Variants in YAP1 observed in about 807,000 individuals in gnomAD.
YAP1 encodes transcriptional coactivator YAP1.
Under a neutral mutation model 56.9 loss-of-function variants are expected in YAP1, and 5 were observed. The observed-to-expected ratio is 0.09, with a 90% CI of 0.05 to 0.18. YAP1 has a LOEUF of 0.18. YAP1 is among the 10% of genes least tolerant of loss of function. The pLI, the probability that YAP1 is intolerant of heterozygous loss-of-function variation, is 1.00. For synonymous variants in YAP1, 265 were observed against 248.1 expected (o/e 1.07, Z -0.64); for missense variants, 539 against 651.8 (o/e 0.83, Z 1.88).
At chr11:102,201,186 T>C (rs979872338) in intron 4 of YAP1, among the ~76,000 whole-genome samples, 1 of 152,180 alleles carries the variant, frequency 6.6e-6, no homozygotes, top group Non-Finnish European at 1.5e-5. Context: ...GAATAGAATA[T>C]TAACCAGCTA....
intron 3 of YAP1, among the ~76,000 whole-genome samples, chr11:102,184,674 G>A (rs982623197): frequency 6.6e-6 from 1 of 152,214 alleles, no homozygotes; most frequent in African/African-American, 2.4e-5. Context: ...TGAGTGGTCA[G>A]TTTAACCAAA....
At chr11:102,142,932 T>G (rs1340645925) in intron 2 of YAP1, among the ~76,000 whole-genome samples, 2 of 152,242 alleles carry the variant, frequency 1.3e-5, no homozygotes, top group Non-Finnish European at 2.9e-5. Flanking sequence ...TGAGAGCAAC[T>G]GTATCTTAAA....
chr11:102,165,488 C>T lies in YAP1; in HGVS notation c.688+2917C>T, dbSNP rs184528134. On this transcript the variant is annotated intron_variant, in intron 3 of 8. Transcript: ENST00000282441. ...ATGTAGTAAAGAGGTGACTTTGACA[C>T]AGTTTCAGTGGAGTGGCAAAAAGCG... 8.0e-4 allele frequency among the ~76,000 whole-genome samples: 122 copies of T among 152,070 alleles called. 1 individual carries two copies. The highest frequency in any genetic ancestry group is 4.3e-3 in the Admixed American group (65 of 15,274).
chr11:102,124,672 T>C (rs1943917210), intron 2 of YAP1, among the ~76,000 whole-genome samples: 1 of 152,218 alleles, frequency 6.6e-6, no homozygotes, highest in African/African-American at 2.4e-5. Context: ...CATTTTGTTA[T>C]GTTTTCTGGG....
intron 2 of YAP1, among the ~76,000 whole-genome samples, chr11:102,142,273 A>G (rs1487246112): frequency 2.6e-5 from 4 of 152,196 alleles, no homozygotes; most frequent in Admixed American, 6.6e-5. Flanking sequence ...GAGAGGGCCA[A>G]CCTTTCTAGA....
intron 1 of YAP1, 130 bp from the exon 2 acceptor site, chr11:102,114,014 G>C: frequency 1.2e-6 from 1 of 827,456 alleles, no homozygotes; most frequent in East Asian, 2.8e-5. Context: ...CTCCAGTGTC[G>C]AATATTAAAT....
chr11:102,147,694 T>G (rs912606541), intron 2 of YAP1, among the ~76,000 whole-genome samples: 6 of 152,306 alleles, frequency 3.9e-5, no homozygotes, highest in Admixed American at 2.0e-4. Context: ...TTTTTATTTT[T>G]GGGGTTTTTA....
chr11:102,186,201 A>G, intron 4 of YAP1, 70 bp downstream of exon 4: 2 of 1,511,154 alleles, frequency 1.3e-6, no homozygotes, highest in South Asian at 1.2e-5. Context: ...ATACTTCGGA[A>G]AGCACATTTA....
At position 102,231,907 on chromosome 11, in the gene YAP1, GTTTTA is replaced by G. The variant is rs1378513993; in HGVS notation, c.*1973_*1977del. The G allele has an allele frequency of 2.0e-5, 3 of 152,508 alleles. No homozygotes were observed. The highest frequency in any genetic ancestry group is 2.9e-5 in the Non-Finnish European group (2 of 68,008). 9.4% of individuals were successfully genotyped at this position (152,508 alleles called of 1,614,324 possible). ...GGAGGGCAAAAGTTGGAAGTAAGAA[GTTTTA>G]TTTTAAGTACTTTCAGTGCTCAAAA... On this transcript the variant is annotated 3_prime_UTR_variant, in exon 9 of 9. Coordinates refer to ENST00000282441, the MANE Select transcript of YAP1 (RefSeq NM_001130145.3).
At chr11:102,229,402 C>T (rs1281892822) in intron 8 of YAP1, among the ~76,000 whole-genome samples, 1 of 152,146 alleles carries the variant, frequency 6.6e-6, no homozygotes, top group Non-Finnish European at 1.5e-5. Flanking sequence ...CTTGTTCTTT[C>T]TCCCGCTGCT....
intron 2 of YAP1, among the ~76,000 whole-genome samples, chr11:102,115,817 G>T (rs73577837): frequency 6.6e-6 from 1 of 152,158 alleles, no homozygotes; most frequent in African/African-American, 2.4e-5. Context: ...GAAGGGAGTG[G>T]AAACAAACCA....
intron 3 of YAP1, among the ~76,000 whole-genome samples, chr11:102,164,767 G>C (rs531833553): frequency 2.4e-4 from 36 of 151,980 alleles, no homozygotes; most frequent in Non-Finnish European, 4.9e-4. Context: ...TTGTAGCCCA[G>C]GCTGGAGTGC....
At chr11:102,142,092 T>G (rs989824905) in intron 2 of YAP1, among the ~76,000 whole-genome samples, 13 of 152,226 alleles carry the variant, frequency 8.5e-5, no homozygotes, top group African/African-American at 2.7e-4. Flanking sequence ...AATGTTATCA[T>G]TAATCCAGAA....
chr11:102,179,749 G>A (rs1254634441), intron 3 of YAP1, among the ~76,000 whole-genome samples: 1 of 151,648 alleles, frequency 6.6e-6, no homozygotes, highest in Non-Finnish European at 1.5e-5. Flanking sequence ...ACATTGTACT[G>A]TCTTCTATCT....
intron 2 of YAP1, among the ~76,000 whole-genome samples, chr11:102,156,824 G>T (rs1475756318): frequency 6.6e-6 from 1 of 152,192 alleles, no homozygotes; most frequent in African/African-American, 2.4e-5. Context: ...TTATTCTCAT[G>T]GCTGGTCCAT....
chr11:102,119,113 G>T (rs1339707366), intron 2 of YAP1, among the ~76,000 whole-genome samples: 3 of 151,722 alleles, frequency 2.0e-5, no homozygotes, highest in Admixed American at 6.6e-5. Context: ...GGAGAGAGAA[G>T]ATGAAAGTAC....
At chr11:102,133,170 T>TAAAC (rs72128238) in intron 2 of YAP1, among the ~76,000 whole-genome samples, 4,732 of 151,768 alleles carry the variant, frequency 0.031, 246 homozygotes, top group African/African-American at 0.11. Context: ...AATAAATAAA[T>TAAAC]AAACAAACAA....
chr11:102,125,626 A>G (rs1004431055), intron 2 of YAP1, among the ~76,000 whole-genome samples: 1 of 151,692 alleles, frequency 6.6e-6, no homozygotes, highest in Admixed American at 6.6e-5. Flanking sequence ...TGATCCGCCT[A>G]CCTCAGCCTC....
intron 6 of YAP1, among the ~76,000 whole-genome samples, chr11:102,209,910 A>G (rs1263126243): frequency 6.6e-6 from 1 of 152,228 alleles, no homozygotes; most frequent in African/African-American, 2.4e-5. Context: ...AATGATTTAA[A>G]GGAATTAATA....
Sources: allele counts gnomAD v4.1 joint callset (sites outside exome capture counted in the v4.1 genomes callset), GRCh38; gene constraint gnomAD v4.1.1; transcripts MANE v1.5; gene names NCBI Gene and HGNC (gene_info 2026-07-23, HGNC 2026-07-21).